Variants in CKLF observed in about 807,000 individuals in gnomAD.
The protein encoded by CKLF is chemokine like factor, also known as chemokine-like factor.
Under a neutral mutation model 12.9 loss-of-function variants are expected in CKLF, and 16 were observed. The observed-to-expected ratio is 1.24, with a 90% CI of 0.84 to 1.88. The LOEUF (loss-of-function observed/expected upper bound fraction) is 1.88, where lower values mean the gene tolerates loss of function less well. Ranked by LOEUF, CKLF falls within the 40% of genes most tolerant of loss-of-function variation. CKLF has a pLI of 0.00. For missense variants in CKLF, 172 were observed against 188.5 expected (o/e 0.91, Z 0.51); for synonymous variants, 61 against 69.0 (o/e 0.88, Z 0.57).
In CKLF at chr16:66,552,719, GA is replaced by G; in HGVS notation, c.5del (p.Asp2ValfsTer7). The G allele has an allele frequency of 1.2e-6, 2 of 1,614,178 alleles. No individual in the cohort carries two copies. The highest frequency in any genetic ancestry group is 8.5e-7 in the Non-Finnish European group (1 of 1,180,030). On this transcript the variant is annotated frameshift_variant, in exon 1 of 4. Transcript: ENST00000264001. LOFTEE classifies it high-confidence loss of function. The part of the protein sequence containing the change: M[D>X]NVQPKIKHRP... ...TGCTGCTGGGTCTGCAGACGCGATG[GA>G]TAACGTGCAGCCGAAAATAAAACAT...
intron 3 of CKLF, among the ~76,000 whole-genome samples, chr16:66,564,736 C>T (rs2012056123): frequency 6.6e-6 from 1 of 152,190 alleles, no homozygotes; most frequent in African/African-American, 2.4e-5. Context: ...TCCCAAAGTG[C>T]TGGGATTACA....
intron 1 of CKLF, chr16:66,553,553 G>A (rs1435024194): frequency 6.6e-6 from 1 of 152,178 alleles, no homozygotes; most frequent in Non-Finnish European, 1.5e-5. Context: ...CTAGTTGAAG[G>A]AATCTATTCT....
chr16:66,565,482 ACCTTT>A, intron 3 of CKLF: 1 of 179,636 alleles, frequency 5.6e-6, no homozygotes, highest in Non-Finnish European at 1.2e-5. Context: ...GTTAACTTTG[ACCTTT>A]TCTTCTGTAG....
At chr16:66,561,951 G>A (rs1487268031) in intron 2 of CKLF, among the ~76,000 whole-genome samples, 5 of 152,138 alleles carry the variant, frequency 3.3e-5, no homozygotes, top group Non-Finnish European at 7.3e-5. Flanking sequence ...TTTTTACTTT[G>A]TAAAAGTATT....
intron 2 of CKLF, among the ~76,000 whole-genome samples, chr16:66,561,814 T>A (rs1406512479): frequency 6.6e-6 from 1 of 152,238 alleles, no homozygotes; most frequent in Non-Finnish European, 1.5e-5. Context: ...TATTCCTTCC[T>A]GCCTGTGGTT....
At position 66,558,320 on chromosome 16, in the gene CKLF, T is replaced by G; in HGVS notation, c.209T>G (p.Leu70Ter). The change falls in exon 2 of 4, where the codon TTA becomes TGA. Residue 70 changes from leucine (L) to a stop codon, truncating the protein, a stop_gained. Transcript: ENST00000264001. LOFTEE classifies it high-confidence loss of function. The stretch of plus-strand genomic sequence containing the variant: ...TTATATGTACTCAGACTTGATCGAT[T>G]AATGAAGTGGTTATTTTGGCCTTTG... ...ILLYVLRLDR[L>*]MKWLFWPLLD... The G allele has an allele frequency of 6.2e-7, 1 of 1,606,142 alleles. No individual in the cohort carries two copies. The highest frequency in any genetic ancestry group is 8.5e-7 in the Non-Finnish European group (1 of 1,178,282).
At chr16:66,562,931 A>G (rs1384587504) in intron 2 of CKLF, 191 bp from the exon 3 acceptor site, 14 of 646,410 alleles carry the variant, frequency 2.2e-5, no homozygotes, top group Non-Finnish European at 3.7e-5. Flanking sequence ...CATGTCGGCC[A>G]GGCTGGTCTC....
chr16:66,565,613 A>T (rs1356189094), intron 3 of CKLF: 2 of 444,942 alleles, frequency 4.5e-6, no homozygotes, highest in Non-Finnish European at 8.1e-6. Context: ...ATAAAAGCAA[A>T]CAAGTATGGA....
intron 1 of CKLF, among the ~76,000 whole-genome samples, chr16:66,553,118 C>T (rs2011250160): frequency 1.3e-5 from 2 of 152,082 alleles, no homozygotes; most frequent in Admixed American, 1.3e-4. Flanking sequence ...GTTGATCGCA[C>T]CACTGCACAC....
At position 66,558,171 on chromosome 16, in the gene CKLF, G is replaced by A. The variant is rs758612470; in HGVS notation, c.79-19G>A. On this transcript the variant is annotated intron_variant, in intron 1 of 3. Transcript: ENST00000264001. Reference sequence around the variant, plus strand: ...GTATTCAGTTGTCACTGAATAAATCGTGGGTTTTTTTCTTCTAGGCACTAA... The same window carrying A: ...GTATTCAGTTGTCACTGAATAAATCATGGGTTTTTTTCTTCTAGGCACTAA... The A allele has an allele frequency of 2.2e-5, 36 of 1,602,734 alleles. No homozygotes were observed. Among genetic ancestry groups the A allele is most frequent in the East Asian group, 4.5e-5 (2 of 44,830 alleles).
At chr16:66,565,850 C>T in intron 3 of CKLF, 36 bp from the exon 4 acceptor site, 1 of 1,607,900 alleles carries the variant, frequency 6.2e-7, no homozygotes, top group South Asian at 1.1e-5. Flanking sequence ...GAGTGGGGAC[C>T]ATGGTTAGGG....
In CKLF at chr16:66,552,643, C is replaced by T; in HGVS notation, c.-73C>T. The T allele has an allele frequency of 1.2e-6, 2 of 1,608,026 alleles. No homozygotes were observed. On this transcript the variant is annotated 5_prime_UTR_variant, in exon 1 of 4. Coordinates refer to ENST00000264001, the MANE Select transcript of CKLF (RefSeq NM_016951.4). The stretch of plus-strand genomic sequence containing the variant: ...TCCGCCGCGGTGGCGGTTGCTATCG[C>T]TTCGCAGAACCTACTCAGGCAGCCA...
rs374608984 is a variant in CKLF, at chr16:66,558,292, C to T, written c.181C>T (p.Leu61Phe). The T allele has an allele frequency of 5.0e-6, 8 of 1,613,840 alleles. No homozygotes were observed. Among genetic ancestry groups the T allele is most frequent in the Non-Finnish European group, 6.8e-6 (8 of 1,179,970 alleles). Residue 61 changes from leucine to phenylalanine, a missense_variant, in exon 2 of 4, where the codon CTT (leucine) becomes TTT (phenylalanine). Coordinates refer to ENST00000264001, the MANE Select transcript of CKLF (RefSeq NM_016951.4). ...FEVTVILFFI[L>F]LYVLRLDRLM... The stretch of plus-strand genomic sequence containing the variant: ...AGTCACCGTTATCTTATTTTTCATA[C>T]TTTTATATGTACTCAGACTTGATCG...
At chr16:66,558,543 C>A in intron 2 of CKLF, 195 bp downstream of exon 2, 2 of 622,580 alleles carry the variant, frequency 3.2e-6, no homozygotes, top group Non-Finnish European at 2.6e-6. Context: ...AGCCACAGAG[C>A]ATAAGTTCTC....
intron 3 of CKLF, chr16:66,565,585 G>T: frequency 2.7e-6 from 1 of 367,530 alleles, no homozygotes; most frequent in Non-Finnish European, 5.0e-6. Flanking sequence ...AAGAATACAT[G>T]CAAGAGCAGG....
intron 2 of CKLF, among the ~76,000 whole-genome samples, chr16:66,561,388 AC>A (rs1022101689): frequency 6.6e-6 from 1 of 151,940 alleles, no homozygotes; most frequent in Non-Finnish European, 1.5e-5. Flanking sequence ...TTTACATTCT[AC>A]TCTGTGGCAT....
At position 66,564,766 on chromosome 16, in the gene CKLF, G is replaced by A. The variant is rs190603567; in HGVS notation, c.334-1120G>A. On this transcript the variant is annotated intron_variant, in intron 3 of 3. Coordinates refer to ENST00000264001, the MANE Select transcript of CKLF (RefSeq NM_016951.4). ...ATTACAGGCGTGAGCCACCGCGCCC[G>A]GCCGACTTTTTTCTTTACATTTATA... 2.2e-3 allele frequency among the ~76,000 whole-genome samples: 329 copies of A among 152,254 alleles called. 1 individual carries two copies. Among genetic ancestry groups the A allele is most frequent in the African/African-American group, 7.4e-3 (309 of 41,544 alleles).
chr16:66,554,012 A>C (rs1369052200), intron 1 of CKLF, among the ~76,000 whole-genome samples: 1 of 152,236 alleles, frequency 6.6e-6, no homozygotes, highest in African/African-American at 2.4e-5. Flanking sequence ...GGCAAAAGTG[A>C]CCAGAAGGTC....
At chr16:66,566,211 G>A, downstream of CKLF, 14 of 1,503,868 alleles carry the variant, frequency 9.3e-6, no homozygotes, top group Non-Finnish European at 1.2e-5. This position sits in a 1 kb window ranked among gnomAD's most constrained non-coding sequence, Gnocchi z 4.9. Context: ...CCGGGCCTGG[G>A]TGGCAGGGAA....
Sources: gnomAD v4.1 joint callset for allele counts (sites outside exome capture counted in the v4.1 genomes callset) on GRCh38, gnomAD v4.1.1 for gene constraint, Gnocchi (gnomAD v3.1) non-coding constraint, MANE v1.5 for transcripts, NCBI Gene and HGNC (gene_info 2026-07-23, HGNC 2026-07-21) for gene names.